The following TDRD12 variants were observed in gnomAD, a reference collection of about 807,000 sequenced individuals.
TDRD12 encodes putative ATP-dependent RNA helicase TDRD12.
In TDRD12, 158 loss-of-function variants were observed where a neutral mutation model predicts 133.5. The ratio of observed to expected loss-of-function variants is 1.18; its 90% CI spans 1.04 to 1.35. The LOEUF (loss-of-function observed/expected upper bound fraction) is 1.35. Ranked by LOEUF, TDRD12 falls within the 40% of genes most tolerant of loss-of-function variation. The pLI, the probability that TDRD12 is intolerant of heterozygous loss-of-function variation, is 0.00. For synonymous variants in TDRD12, 460 were observed against 477.9 expected (o/e 0.96, Z 0.49); for missense variants, 1,443 against 1,321.3 (o/e 1.09, Z -1.43).
exon 15 of TDRD12, chr19:32,797,741 G>T (rs907916086): frequency 2.9e-6 from 2 of 684,488 alleles, no homozygotes; most frequent in African/African-American, 1.8e-5. Context: ...GCAGCCTCTC[G>T]CAGTCATCGT....
At chr19:32,794,898 T>C in intron 14 of TDRD12, 85 bp downstream of exon 14, 2 of 633,626 alleles carry the variant, frequency 3.2e-6, no homozygotes, top group Non-Finnish European at 5.7e-6. Flanking sequence ...AGGAAGGTCG[T>C]CTATTACTCA....
At chr19:32,787,566 C>CGGT (rs1970943504) in intron 11 of TDRD12, among the ~76,000 whole-genome samples, 1 of 152,190 alleles carries the variant, frequency 6.6e-6, no homozygotes, top group Admixed American at 6.5e-5. Context: ...TGCTGAGCTG[C>CGGT]GGTGGGCTCC....
At chr19:32,720,853 G>A (rs930807481) in intron 1 of TDRD12, among the ~76,000 whole-genome samples, 6 of 18,810 alleles carry the variant, frequency 3.2e-4, no homozygotes, top group Admixed American at 1.5e-3. Flanking sequence ...GGGGCACCCC[G>A]GGCTGGGAGC....
intron 6 of TDRD12, among the ~76,000 whole-genome samples, chr19:32,752,065 G>C (rs1969846138): frequency 6.6e-6 from 1 of 151,798 alleles, no homozygotes; most frequent in Admixed American, 6.6e-5. Context: ...GTAGAAACGG[G>C]GTTTTACCAA....
intron 11 of TDRD12, among the ~76,000 whole-genome samples, chr19:32,790,128 T>C (rs946127998): frequency 1.8e-4 from 28 of 152,172 alleles, no homozygotes; most frequent in Non-Finnish European, 8.8e-5. Context: ...CCTTGTGACT[T>C]CTCTGTGACT....
chr19:32,776,757 A>G (rs1568471523), intron 10 of TDRD12, among the ~76,000 whole-genome samples: 1 of 152,240 alleles, frequency 6.6e-6, no homozygotes, highest in Non-Finnish European at 1.5e-5. Flanking sequence ...AATGACTTTT[A>G]TACTTAAAGG....
intron 23 of TDRD12, among the ~76,000 whole-genome samples, chr19:32,810,705 A>G (rs1966973345): frequency 6.6e-6 from 1 of 152,176 alleles, no homozygotes; most frequent in Non-Finnish European, 1.5e-5. Context: ...CACACCTGGC[A>G]CCACTTGGTG....
intron 10 of TDRD12, among the ~76,000 whole-genome samples, chr19:32,776,731 C>T (rs1970595621): frequency 6.6e-6 from 1 of 152,216 alleles, no homozygotes; most frequent in South Asian, 2.1e-4. Context: ...CCAGCACCAC[C>T]ACCAGAAGTG....
downstream of TDRD12, chr19:32,826,073 A>T (rs1369785363): frequency 6.5e-7 from 1 of 1,532,750 alleles, no homozygotes; most frequent in South Asian, 1.2e-5. Flanking sequence ...AACCTGTAGG[A>T]AAATATGACC....
At chr19:32,756,155 A>G (rs1969985637) in exon 7 of TDRD12, 1 of 1,434,144 alleles carries the variant, frequency 7.0e-7, no homozygotes, top group Non-Finnish European at 9.1e-7. Flanking sequence ...ATGTTTTTGC[A>G]AGGAAAAGAT....
intron 7 of TDRD12, among the ~76,000 whole-genome samples, chr19:32,756,733 T>G: frequency 6.6e-6 from 1 of 152,144 alleles, no homozygotes; most frequent in East Asian, 1.9e-4. Flanking sequence ...TCCAAATGTT[T>G]GCAATTTAGA....
chr19:32,773,154 G>A (rs1970484482), intron 9 of TDRD12, among the ~76,000 whole-genome samples: 1 of 152,220 alleles, frequency 6.6e-6, no homozygotes, highest in African/African-American at 2.4e-5. Context: ...TCCTAGTGAA[G>A]TGCAAGTCTA....
At chr19:32,729,778 CTTTTTTTTTTTTT>C (rs1162347194) in intron 1 of TDRD12, among the ~76,000 whole-genome samples, 934 of 73,768 alleles carry the variant, frequency 0.013, 15 homozygotes, top group African/African-American at 0.052. Context: ...TTTTCTTTTT[CTTTTTTTTTTTTT>C]TTTTTTTTTT....
chr19:32,788,876 T>C (rs1599587232), intron 11 of TDRD12, among the ~76,000 whole-genome samples: 1 of 152,176 alleles, frequency 6.6e-6, no homozygotes, highest in African/African-American at 2.4e-5. Flanking sequence ...CTCTGGCCCC[T>C]GGGGCTAAAG....
chr19:32,740,742 T>C (rs1471930788), intron 3 of TDRD12, among the ~76,000 whole-genome samples: 1 of 152,180 alleles, frequency 6.6e-6, no homozygotes, highest in Non-Finnish European at 1.5e-5. Flanking sequence ...GTTGCTGGCA[T>C]AGTCTCAGGG....
At chr19:32,782,172 C>T (rs860764) in intron 11 of TDRD12, among the ~76,000 whole-genome samples, 2 of 148,152 alleles carry the variant, frequency 1.3e-5, no homozygotes, top group African/African-American at 2.5e-5. Flanking sequence ...TGTATCCATG[C>T]GTTCTCATTG....
chr19:32,723,500 C>T (rs1599818342), intron 1 of TDRD12, among the ~76,000 whole-genome samples: 1 of 152,038 alleles, frequency 6.6e-6, no homozygotes, highest in African/African-American at 2.4e-5. Context: ...CCACCCATCT[C>T]GGCCTCCCAA....
intron 27 of TDRD12, among the ~76,000 whole-genome samples, chr19:32,818,769 T>G (rs1263686617): frequency 4.6e-5 from 7 of 151,944 alleles, no homozygotes; most frequent in Admixed American, 4.6e-4. Context: ...GAGGGAAGCC[T>G]GGAGAGGTGA....
At chr19:32,780,984 C>T (rs1274167687) in intron 11 of TDRD12, among the ~76,000 whole-genome samples, 1 of 149,208 alleles carries the variant, frequency 6.7e-6, no homozygotes, top group Non-Finnish European at 1.5e-5. Flanking sequence ...GCTCTGTTGC[C>T]CAGCCTGGAG....
Sources: allele counts gnomAD v4.1 joint callset (sites outside exome capture counted in the v4.1 genomes callset), GRCh38; gene constraint gnomAD v4.1.1; transcripts MANE v1.5; gene names NCBI Gene and HGNC (gene_info 2026-07-23, HGNC 2026-07-21).